MCTP1: variants seen among roughly 807,000 people sequenced by gnomAD.
MCTP1 encodes multiple C2 and transmembrane domain-containing protein 1.
Under a neutral mutation model 120.6 loss-of-function variants are expected in MCTP1, and 69 were observed. The observed-to-expected ratio is 0.57, with a 90% CI of 0.47 to 0.70. The LOEUF (loss-of-function observed/expected upper bound fraction) is 0.70, where lower values mean the gene tolerates loss of function less well. Ranked by LOEUF, MCTP1 falls within the 30% of genes least tolerant of loss-of-function variation. MCTP1 has a pLI of 0.00. For synonymous variants in MCTP1, 529 were observed against 493.1 expected, an observed-to-expected ratio of 1.07 and a Z score of -0.96; for missense variants, 1,203 against 1,248.8, an observed-to-expected ratio of 0.96 and a Z score of 0.55.
chr5:95,153,000 G>C (rs1219766854), intron 1 of MCTP1, among the ~76,000 whole-genome samples: 1 of 152,140 alleles, frequency 6.6e-6, no homozygotes, highest in Non-Finnish European at 1.5e-5. Flanking sequence ...CCATTGACCA[G>C]GGAGAAAAGA....
chr5:95,110,686 A>G (rs1757390285), intron 1 of MCTP1, among the ~76,000 whole-genome samples: 1 of 152,164 alleles, frequency 6.6e-6, no homozygotes, highest in South Asian at 2.1e-4. Context: ...TGTGGCATCG[A>G]GTATACCAAT....
rs150638506 is a variant in MCTP1 at position 95,116,327 on chromosome 5, T to C, written c.721-98843A>G. Reference sequence around the variant, plus strand: ...AGAAAGATGATGAACCAATCAAAAATAGTAACTGACAACTTTTCAAGAGAT... The same window carrying C: ...AGAAAGATGATGAACCAATCAAAAACAGTAACTGACAACTTTTCAAGAGAT... On this transcript the variant is annotated intron_variant, in intron 1 of 22. Transcript: ENST00000515393. Among the ~76,000 whole-genome samples the C allele has an allele frequency of 7.5e-3, 1,140 of 152,018 alleles. 10 individuals carry two copies. Among genetic ancestry groups the C allele is most frequent in the Non-Finnish European group, 0.012 (836 of 67,974 alleles).
chr5:94,762,071 G>C (rs887991632), intron 19 of MCTP1, among the ~76,000 whole-genome samples: 5 of 152,180 alleles, frequency 3.3e-5, no homozygotes, highest in Admixed American at 1.3e-4. Context: ...AAGTGCCCCA[G>C]TGAGCCCAGT....
chr5:95,034,172 C>G (rs62364704), intron 1 of MCTP1, among the ~76,000 whole-genome samples: 18,923 of 151,892 alleles, frequency 0.12, 1,307 homozygotes, highest in Non-Finnish European at 0.16. Context: ...AGATTCATCA[C>G]AATTCCTATC....
intron 2 of MCTP1, among the ~76,000 whole-genome samples, chr5:95,007,743 T>C (rs1361239155): frequency 6.6e-6 from 1 of 152,216 alleles, no homozygotes; most frequent in Non-Finnish European, 1.5e-5. Flanking sequence ...AAAGTGAAAC[T>C]TCACTGGGGG....
intron 1 of MCTP1, among the ~76,000 whole-genome samples, chr5:95,202,237 G>A (rs76483044): frequency 1.2e-4 from 18 of 152,212 alleles, no homozygotes; most frequent in African/African-American, 3.9e-4. Flanking sequence ...TTCCCTTTTC[G>A]TGGACATCAG....
intron 19 of MCTP1, among the ~76,000 whole-genome samples, chr5:94,759,921 A>AAG (rs1280169121): frequency 1.3e-5 from 2 of 149,492 alleles, no homozygotes. Context: ...AAAAAAAAAA[A>AAG]AAAGCAGAGT....
chr5:94,800,681 C>G (rs550742338), intron 17 of MCTP1, among the ~76,000 whole-genome samples: 2 of 152,234 alleles, frequency 1.3e-5, no homozygotes, highest in East Asian at 3.9e-4. Context: ...CATGACATTA[C>G]TGTACCATCC....
intron 6 of MCTP1, among the ~76,000 whole-genome samples, chr5:94,926,698 T>C (rs537111822): frequency 6.6e-6 from 1 of 152,328 alleles, no homozygotes; most frequent in South Asian, 2.1e-4. Context: ...CTATCTTTCT[T>C]GTTAAATTAA....
intron 3 of MCTP1, among the ~76,000 whole-genome samples, chr5:94,948,391 C>T (rs946052394): frequency 4.6e-5 from 7 of 152,038 alleles, no homozygotes; most frequent in Admixed American, 4.6e-4. Flanking sequence ...CAATAACTTC[C>T]CATATTCTTT....
chr5:94,716,754 G>GTTTTTTT (rs35567543), intron 19 of MCTP1, among the ~76,000 whole-genome samples: 1 of 145,336 alleles, frequency 6.9e-6, no homozygotes, highest in Non-Finnish European at 1.5e-5. Flanking sequence ...TATATAAAAA[G>GTTTTTTT]TTTTTTTTTT....
At chr5:94,740,780 G>A (rs1765355272) in intron 19 of MCTP1, among the ~76,000 whole-genome samples, 1 of 152,170 alleles carries the variant, frequency 6.6e-6, no homozygotes, top group Non-Finnish European at 1.5e-5. Flanking sequence ...TTATGCTCTT[G>A]AGGAGTTGAA....
In MCTP1 at chr5:95,079,155, G is replaced by T. The variant is rs2152307303; in HGVS notation, c.721-61671C>A. Among the ~76,000 whole-genome samples the T allele has an allele frequency of 2.0e-5, 3 of 152,186 alleles. No homozygotes were observed. The South Asian group carries it at 6.2e-4, about 32-fold the overall frequency. On this transcript the variant is annotated intron_variant, in intron 1 of 22. Transcript: ENST00000515393. ...CCATCTCCATAGCTTTCCTACTTGGGTTTATCTCAGGGGGGATAAGCATTA... is the reference window on the plus strand; with the variant it reads ...CCATCTCCATAGCTTTCCTACTTGGTTTTATCTCAGGGGGGATAAGCATTA...
intron 15 of MCTP1, 86 bp from the exon 16 acceptor site, chr5:94,870,577 C>A (rs1356141042): frequency 5.8e-6 from 6 of 1,041,860 alleles, no homozygotes; most frequent in Middle Eastern, 4.1e-4. Flanking sequence ...GCAATAATTT[C>A]TAAAGTTTCA....
chr5:95,216,149 C>G (rs905897151), intron 1 of MCTP1, among the ~76,000 whole-genome samples: 1 of 152,078 alleles, frequency 6.6e-6, no homozygotes, highest in Non-Finnish European at 1.5e-5. Context: ...CTAAGAGGGA[C>G]TATAATAAAT....
At chr5:95,223,907 TACCA>T (rs1203429091) in intron 1 of MCTP1, among the ~76,000 whole-genome samples, 1 of 152,196 alleles carries the variant, frequency 6.6e-6, no homozygotes, top group African/African-American at 2.4e-5. Flanking sequence ...AAGAAGGTCA[TACCA>T]AACATTTATG....
At chr5:94,813,137 C>T (rs2153072892) in intron 17 of MCTP1, among the ~76,000 whole-genome samples, 1 of 152,054 alleles carries the variant, frequency 6.6e-6, no homozygotes, top group East Asian at 1.9e-4. Flanking sequence ...GACAAAAACC[C>T]CGTTTAAACA....
At chr5:94,873,063 T>C in intron 13 of MCTP1, 76 bp downstream of exon 13, 8 of 840,342 alleles carry the variant, frequency 9.5e-6, no homozygotes, top group Non-Finnish European at 1.6e-5. Flanking sequence ...AACACACACA[T>C]TTTTTTTAAA....
At chr5:95,046,305 G>A (rs1374129833) in intron 1 of MCTP1, among the ~76,000 whole-genome samples, 1 of 152,186 alleles carries the variant, frequency 6.6e-6, no homozygotes, top group Middle Eastern at 3.4e-3. Context: ...CAGAAACCTT[G>A]AACAAAGCTA....
Sources: gnomAD v4.1 joint callset for allele counts (sites outside exome capture counted in the v4.1 genomes callset) on GRCh38, gnomAD v4.1.1 for gene constraint, MANE v1.5 for transcripts, NCBI Gene and HGNC (gene_info 2026-07-23, HGNC 2026-07-21) for gene names.